The following EXOC6B variants were observed in gnomAD, a reference collection of about 807,000 sequenced individuals.
EXOC6B encodes the protein exocyst complex component 6B, also known as SEC15 homolog B.
In EXOC6B, 54 loss-of-function variants were observed where a neutral mutation model predicts 113.5. The observed-to-expected ratio is 0.48, with a 90% CI of 0.38 to 0.60. The LOEUF (loss-of-function observed/expected upper bound fraction) is 0.60, where lower values mean the gene tolerates loss of function less well. EXOC6B is among the 20% of genes least tolerant of loss of function. EXOC6B has a pLI of 0.00. For synonymous variants in EXOC6B, 357 were observed against 339.0 expected (o/e 1.05, Z -0.58); for missense variants, 797 against 977.5 (o/e 0.82, Z 2.46).
chr2:72,300,785 A>T (rs1368781603), intron 20 of EXOC6B, among the ~76,000 whole-genome samples: 2 of 151,980 alleles, frequency 1.3e-5, no homozygotes, highest in Non-Finnish European at 2.9e-5. Context: ...GGGGAGGGAA[A>T]TCCCCCGACC....
intron 6 of EXOC6B, among the ~76,000 whole-genome samples, chr2:72,604,906 T>C (rs1224415345): frequency 6.6e-6 from 1 of 152,160 alleles, no homozygotes; most frequent in Non-Finnish European, 1.5e-5. Context: ...AATAATTCAA[T>C]GGTACATGTG....
At chr2:72,716,263 A>G (rs375428971) in intron 6 of EXOC6B, among the ~76,000 whole-genome samples, 90 of 152,328 alleles carry the variant, frequency 5.9e-4, no homozygotes, top group African/African-American at 2.0e-3. Context: ...AAGTACTTAA[A>G]TCACCATTGC....
chr2:72,484,402 CAA>C (rs34881607), intron 16 of EXOC6B, among the ~76,000 whole-genome samples: 3 of 131,556 alleles, frequency 2.3e-5, no homozygotes, highest in African/African-American at 2.8e-5. Context: ...ACTAAAAATA[CAA>C]AAAAAAAAAA....
Position 72,327,173 on chromosome 2 carries a change from A to G in EXOC6B, c.2196+7774T>C, listed in dbSNP as rs545153714. Among the ~76,000 whole-genome samples, 33 of 152,122 alleles carry G rather than the reference A, an allele frequency of 2.2e-4. 1 individual carries two copies. The highest frequency in any genetic ancestry group is 7.0e-4 in the African/African-American group (29 of 41,520). The stretch of plus-strand genomic sequence containing the variant: ...AAACTCTCCAGGGAACAACCCTCAA[A>G]GAGGTCCAGAAGTTACCTTTCTACC... On this transcript the variant is annotated intron_variant, in intron 20 of 21. Coordinates refer to ENST00000272427, the MANE Select transcript of EXOC6B (RefSeq NM_015189.3).
intron 1 of EXOC6B, among the ~76,000 whole-genome samples, chr2:72,755,287 A>G (rs1682341262): frequency 6.6e-6 from 1 of 152,214 alleles, no homozygotes; most frequent in Non-Finnish European, 1.5e-5. Context: ...TGGAAAGCAC[A>G]GTTCATGTCC....
At chr2:72,679,349 G>A (rs1031364189) in intron 6 of EXOC6B, among the ~76,000 whole-genome samples, 12 of 152,230 alleles carry the variant, frequency 7.9e-5, no homozygotes, top group Admixed American at 4.6e-4. Flanking sequence ...ATTTACAGGC[G>A]TCAGCCACCA....
chr2:72,634,830 C>T (rs1243691581), intron 6 of EXOC6B, among the ~76,000 whole-genome samples: 2 of 151,878 alleles, frequency 1.3e-5, no homozygotes, highest in African/African-American at 2.4e-5. Context: ...ATCAACAGAA[C>T]ATATAAAAAG....
chr2:72,495,642 A>C (rs2105563581), intron 14 of EXOC6B, 103 bp from the exon 15 acceptor site: 2 of 676,712 alleles, frequency 3.0e-6, no homozygotes, highest in East Asian at 5.7e-5. Context: ...CACATTGTGA[A>C]TTGTCTCCTT....
chr2:72,563,216 G>A (rs1399729932), intron 7 of EXOC6B, among the ~76,000 whole-genome samples: 1 of 152,014 alleles, frequency 6.6e-6, no homozygotes, highest in Non-Finnish European at 1.5e-5. Context: ...TAGATATAAT[G>A]GAAGCAACTA....
intron 6 of EXOC6B, among the ~76,000 whole-genome samples, chr2:72,651,360 T>A (rs1202200125): frequency 6.6e-6 from 1 of 152,046 alleles, no homozygotes; most frequent in Non-Finnish European, 1.5e-5. Flanking sequence ...AACAACCAAA[T>A]AAAATACAGG....
intron 6 of EXOC6B, among the ~76,000 whole-genome samples, chr2:72,689,401 GAGTCTCTCTCTCTC>G (rs972993187): frequency 5.3e-5 from 8 of 151,910 alleles, no homozygotes; most frequent in Admixed American, 2.6e-4. Context: ...ATTTCTATAG[GAGTCTCTCTCTCTC>G]AGTCTCTCTC....
intron 6 of EXOC6B, among the ~76,000 whole-genome samples, chr2:72,577,548 T>C (rs1348943585): frequency 6.7e-6 from 1 of 148,990 alleles, no homozygotes; most frequent in Non-Finnish European, 1.5e-5. Context: ...TCCTTCACAA[T>C]CAATAAAATA....
chr2:72,366,032 A>C (rs1055093067), intron 19 of EXOC6B, among the ~76,000 whole-genome samples: 1 of 152,202 alleles, frequency 6.6e-6, no homozygotes, highest in Non-Finnish European at 1.5e-5. Flanking sequence ...ATCCAACAAT[A>C]TGAAATGTAA....
chr2:72,287,431 AAAAAAAAAAAAAT>A (rs1441620335), intron 20 of EXOC6B, among the ~76,000 whole-genome samples: 2 of 65,228 alleles, frequency 3.1e-5, no homozygotes, highest in Admixed American at 2.7e-4. Flanking sequence ...ACTTCATCTC[AAAAAAAAAAAAAT>A]AAAAATAAAA....
At chr2:72,182,811 A>T in intron 21 of EXOC6B, 1 of 959,552 alleles carries the variant, frequency 1.0e-6, no homozygotes, top group Non-Finnish European at 1.4e-6. Flanking sequence ...TAGGGATTTT[A>T]GTGTAGTCAT....
chr2:72,351,186 C>T (rs1161667341), intron 19 of EXOC6B, among the ~76,000 whole-genome samples: 4 of 151,872 alleles, frequency 2.6e-5, no homozygotes, highest in African/African-American at 7.3e-5. Flanking sequence ...GAATGAAAGG[C>T]GAGAGAATGA....
chr2:72,239,189 C>A (rs902478303), intron 20 of EXOC6B, among the ~76,000 whole-genome samples: 1 of 152,156 alleles, frequency 6.6e-6, no homozygotes, highest in Non-Finnish European at 1.5e-5. Context: ...CTGTGCGTGG[C>A]GTGTTTTTAA....
rs529300959 is a variant in EXOC6B at position 72,687,352 on chromosome 2, A to C, written c.669+30751T>G. 5.3e-5 allele frequency among the ~76,000 whole-genome samples: 8 copies of C among 152,250 alleles called. 1 individual carries two copies. The highest frequency in any genetic ancestry group is 1.9e-4 in the African/African-American group (8 of 41,564). ...ACTGTTGGCTGCACAGCCGTATTTT[A>C]TTTTTATGTTTTCTTTGGTGAACAC... On this transcript the variant is annotated intron_variant, in intron 6 of 21. Coordinates refer to ENST00000272427, the MANE Select transcript of EXOC6B (RefSeq NM_015189.3).
intron 18 of EXOC6B, among the ~76,000 whole-genome samples, chr2:72,407,257 A>T (rs375244151): frequency 6.6e-6 from 1 of 152,156 alleles, no homozygotes; most frequent in Non-Finnish European, 1.5e-5. Flanking sequence ...CAGGACCAGA[A>T]GGATTCACAG....
Sources: allele counts gnomAD v4.1 joint callset (sites outside exome capture counted in the v4.1 genomes callset), GRCh38; gene constraint gnomAD v4.1.1; transcripts MANE v1.5; gene names NCBI Gene and HGNC (gene_info 2026-07-23, HGNC 2026-07-21).